Variants in SND1 observed in about 807,000 individuals in gnomAD.
The protein encoded by SND1 is staphylococcal nuclease and tudor domain containing 1, also known as staphylococcal nuclease domain-containing protein 1.
Under a neutral mutation model 121.7 loss-of-function variants are expected in SND1, and 38 were observed. That is an observed-to-expected ratio of 0.31 (90% CI 0.24 to 0.41). SND1 has a LOEUF of 0.41. SND1 is among the 10% of genes least tolerant of loss of function. SND1 has a pLI of 1.00. For synonymous variants in SND1, 401 were observed against 447.4 expected (o/e 0.90, Z 1.31); for missense variants, 868 against 1,184.6 (o/e 0.73, Z 3.92).
chr7:127,786,229 T>C (rs1279912623), intron 10 of SND1, among the ~76,000 whole-genome samples: 1 of 152,230 alleles, frequency 6.6e-6, no homozygotes, highest in Non-Finnish European at 1.5e-5. Flanking sequence ...ATGATCTGTT[T>C]TATACCCATT....
chr7:127,940,555 T>A (rs1584681909), intron 15 of SND1, among the ~76,000 whole-genome samples: 1 of 152,336 alleles, frequency 6.6e-6, no homozygotes, highest in East Asian at 1.9e-4. Flanking sequence ...TGCACACTGC[T>A]GTAAGACTTA....
Position 127,985,596 on chromosome 7 carries a change from A to G in SND1, c.1670-5351A>G, listed in dbSNP as rs1802368958. ...TAACATTATGCAACATATAGGCCAAATGGCAAATCCAGTCACCAATAACAT... is the reference window on the plus strand; with the variant it reads ...TAACATTATGCAACATATAGGCCAAGTGGCAAATCCAGTCACCAATAACAT... On this transcript the variant is annotated intron_variant, in intron 15 of 23. Transcript: ENST00000354725. Among the ~76,000 whole-genome samples the G allele has an allele frequency of 4.6e-5, 7 of 152,218 alleles. No individual in the cohort carries two copies. In the South Asian group the frequency reaches 1.4e-3, roughly 32 times the overall value.
chr7:127,754,993 G>A (rs1332618559), intron 10 of SND1, among the ~76,000 whole-genome samples: 2 of 152,168 alleles, frequency 1.3e-5, no homozygotes, highest in Non-Finnish European at 2.9e-5. Flanking sequence ...TTGGGTCTGT[G>A]GATTCTAATT....
chr7:127,678,401 G>A (rs1343758850), intron 1 of SND1, among the ~76,000 whole-genome samples: 5 of 152,142 alleles, frequency 3.3e-5, no homozygotes, highest in Non-Finnish European at 1.5e-5. Context: ...TTTTGGCACA[G>A]TTGGCTCGGG....
intron 4 of SND1, among the ~76,000 whole-genome samples, chr7:127,699,570 T>C (rs767150855): frequency 6.6e-6 from 1 of 152,188 alleles, no homozygotes; most frequent in Non-Finnish European, 1.5e-5. Context: ...AGTTGCTTAA[T>C]AGGTAAAATG....
intron 2 of SND1, among the ~76,000 whole-genome samples, chr7:127,689,943 C>G (rs1023149918): frequency 9.0e-6 from 1 of 111,562 alleles, no homozygotes; most frequent in Non-Finnish European, 1.7e-5. Context: ...CCCCCCACCC[C>G]AACGCTGACA....
At chr7:127,756,992 A>G (rs1312469116) in intron 10 of SND1, among the ~76,000 whole-genome samples, 1 of 152,184 alleles carries the variant, frequency 6.6e-6, no homozygotes, top group Non-Finnish European at 1.5e-5. Flanking sequence ...ATGTAAATAT[A>G]TGTACAATTA....
chr7:127,855,708 A>G (rs1231925687), intron 12 of SND1, among the ~76,000 whole-genome samples: 1 of 152,152 alleles, frequency 6.6e-6, no homozygotes, highest in Admixed American at 6.5e-5. Flanking sequence ...TTAAAATCTA[A>G]TAGTTTCTTC....
intron 22 of SND1, among the ~76,000 whole-genome samples, chr7:128,090,872 G>T (rs931011011): frequency 4.3e-4 from 66 of 152,298 alleles, no homozygotes; most frequent in African/African-American, 1.5e-3. Flanking sequence ...TAGGAGGTCA[G>T]CTTCAGCCTC....
intron 10 of SND1, among the ~76,000 whole-genome samples, chr7:127,769,267 A>G (rs1797472688): frequency 6.6e-6 from 1 of 151,920 alleles, no homozygotes; most frequent in African/African-American, 2.4e-5. Flanking sequence ...TTTAGAAGTG[A>G]CAGTAGTAAA....
At chr7:127,714,657 C>T (rs1290804685) in intron 9 of SND1, among the ~76,000 whole-genome samples, 1 of 152,164 alleles carries the variant, frequency 6.6e-6, no homozygotes, top group Non-Finnish European at 1.5e-5. Flanking sequence ...CTCTGTTTCC[C>T]CTCTTCCAGG....
chr7:127,725,151 T>C (rs1796560484), intron 10 of SND1, among the ~76,000 whole-genome samples: 1 of 152,224 alleles, frequency 6.6e-6, no homozygotes, highest in Non-Finnish European at 1.5e-5. Context: ...CTAGTGTGAC[T>C]GTAACTGTAT....
At chr7:127,708,794 T>G (rs891554456) in intron 9 of SND1, among the ~76,000 whole-genome samples, 6 of 152,236 alleles carry the variant, frequency 3.9e-5, no homozygotes, top group Non-Finnish European at 8.8e-5. Context: ...ATTTTTACTT[T>G]TGCCAAGAGA....
At chr7:128,080,463 G>A (rs1350542396) in intron 17 of SND1, among the ~76,000 whole-genome samples, 1 of 152,250 alleles carries the variant, frequency 6.6e-6, no homozygotes, top group East Asian at 1.9e-4. Flanking sequence ...TGAGGAGGAT[G>A]GAGAAAGGGA....
chr7:127,711,114 T>C (rs557771971), intron 9 of SND1, among the ~76,000 whole-genome samples: 41 of 152,378 alleles, frequency 2.7e-4, no homozygotes, highest in Middle Eastern at 3.4e-3. Context: ...TGCATCAATC[T>C]GGACTGGTTT....
intron 14 of SND1, among the ~76,000 whole-genome samples, chr7:127,920,981 G>A (rs559287455): frequency 1.3e-5 from 2 of 152,180 alleles, no homozygotes; most frequent in African/African-American, 4.8e-5. Context: ...AAATTGAATG[G>A]TTCTCACAGC....
intron 21 of SND1, 58 bp from the exon 22 acceptor site, chr7:128,089,431 C>T: frequency 1.3e-6 from 2 of 1,508,502 alleles, no homozygotes; most frequent in Non-Finnish European, 1.8e-6. Context: ...TGGACAGGAG[C>T]TGGGGCCCAA....
chr7:127,773,030 A>T (rs1797544690), intron 10 of SND1, among the ~76,000 whole-genome samples: 1 of 152,232 alleles, frequency 6.6e-6, no homozygotes, highest in Non-Finnish European at 1.5e-5. Context: ...CATACACCAC[A>T]CACTGAATGG....
At chr7:127,878,044 A>G (rs765839123) in intron 12 of SND1, among the ~76,000 whole-genome samples, 40 of 151,498 alleles carry the variant, frequency 2.6e-4, no homozygotes, top group Non-Finnish European at 4.0e-4. Flanking sequence ...ATTTCTACCA[A>G]TGTTGTTTAT....
Sources: gnomAD v4.1 joint callset for allele counts (sites outside exome capture counted in the v4.1 genomes callset) on GRCh38, gnomAD v4.1.1 for gene constraint, MANE v1.5 for transcripts, NCBI Gene and HGNC (gene_info 2026-07-23, HGNC 2026-07-21) for gene names.